Variants in NLRC5 observed in about 807,000 individuals in gnomAD.
NLRC5 encodes the protein protein NLRC5.
In NLRC5, 114 loss-of-function variants were observed where a neutral mutation model predicts 206.9. The observed-to-expected ratio is 0.55, with a 90% CI of 0.47 to 0.64. The LOEUF is 0.64. Ranked by LOEUF, NLRC5 falls within the 30% of genes least tolerant of loss-of-function variation. NLRC5 has a pLI of 0.00. For synonymous variants in NLRC5, 952 were observed against 962.8 expected (o/e 0.99, Z 0.21); for missense variants, 2,008 against 2,305.5 (o/e 0.87, Z 2.64).
intron 17 of NLRC5, 132 bp downstream of exon 17, chr16:57,040,850 C>G: frequency 1.2e-6 from 1 of 839,476 alleles, no homozygotes; most frequent in Non-Finnish European, 1.9e-6. Context: ...GTCCAGGGGT[C>G]ATGGCCTGGC....
chr16:57,036,113 C>G lies in NLRC5; in HGVS notation c.2641C>G (p.Gln881Glu). Residue 881 changes from glutamine (Q) to glutamate (E), a missense_variant, in exon 14 of 49, where the codon CAG (glutamine) becomes GAG (glutamate). By Grantham distance (29) the Gln-to-Glu change is conservative (BLOSUM62 2). Coordinates refer to ENST00000688547, the MANE Select transcript of NLRC5 (RefSeq NM_001384950.1). ...HLEEVDLSGNQLEDEGCRLMA... is the reference protein window; with the variant it reads ...HLEEVDLSGNELEDEGCRLMA... Reference sequence around the variant, plus strand: ...CCCCCGTCTCAGCCTCTCAGGGAACCAGCTGGAAGATGAAGGCTGTCGGCT... The same window carrying G: ...CCCCCGTCTCAGCCTCTCAGGGAACGAGCTGGAAGATGAAGGCTGTCGGCT... The G allele has an allele frequency of 6.2e-7, 1 of 1,613,722 alleles. No homozygotes were observed. The highest frequency in any genetic ancestry group is 8.5e-7 in the Non-Finnish European group (1 of 1,180,010).
chr16:57,033,568 C>G, intron 11 of NLRC5, 36 bp from the exon 12 acceptor site: 1 of 1,611,370 alleles, frequency 6.2e-7, no homozygotes, highest in Non-Finnish European at 8.5e-7. Flanking sequence ...CCCTAGATGC[C>G]TGAGCCCAGG....
intron 34 of NLRC5, 52 bp downstream of exon 34, chr16:57,066,666 G>T (rs1446071527): frequency 6.0e-6 from 9 of 1,498,830 alleles, no homozygotes; most frequent in Non-Finnish European, 1.9e-6. Context: ...TGGGGAGGGG[G>T]CAGGGCTGCT....
chr16:57,046,018 G>C (rs1259631423), intron 21 of NLRC5, among the ~76,000 whole-genome samples: 3 of 152,234 alleles, frequency 2.0e-5, no homozygotes, highest in Non-Finnish European at 4.4e-5. Flanking sequence ...CAGTGGCAGC[G>C]GACAGGGTGG....
intron 1 of NLRC5, among the ~76,000 whole-genome samples, chr16:57,007,382 T>G (rs759881577): frequency 6.6e-6 from 1 of 152,216 alleles, no homozygotes; most frequent in Non-Finnish European, 1.5e-5. Flanking sequence ...TCTAATGTAT[T>G]ATATTTATTC....
chr16:57,036,056 G>C, intron 13 of NLRC5, 44 bp from the exon 14 acceptor site: 1 of 1,552,930 alleles, frequency 6.4e-7, no homozygotes, highest in Non-Finnish European at 8.9e-7. Flanking sequence ...GATTGAGGGA[G>C]GACTCCAGCC....
At chr16:56,989,988 A>AT (rs2056610969) in intron 1 of NLRC5, among the ~76,000 whole-genome samples, 1 of 152,234 alleles carries the variant, frequency 6.6e-6, no homozygotes, top group African/African-American at 2.4e-5. Context: ...CTTTTCATTG[A>AT]TTTTAAAACA....
In NLRC5 at chr16:57,033,688, T is replaced by G. The variant is rs750844370; in HGVS notation, c.2543+19T>G. ...CGCTCAGGTACCTTGGAGGGATCTA[T>G]TGCCTTAGGAGAGGGATATGATATG... is the stretch of plus-strand genomic sequence containing the variant. On this transcript the variant is annotated intron_variant, in intron 12 of 48. Transcript: ENST00000688547. The G allele has an allele frequency of 6.2e-7, 1 of 1,610,246 alleles. No homozygotes were observed. Among genetic ancestry groups the G allele is most frequent in the Non-Finnish European group, 8.5e-7 (1 of 1,176,700 alleles).
Position 57,034,163 on chromosome 16 carries a change from C to G in NLRC5, c.2544-5C>G, listed in dbSNP as rs1344322689. On this transcript the variant is annotated splice_polypyrimidine_tract_variant and splice_region_variant and intron_variant, in intron 12 of 48. Coordinates refer to ENST00000688547, the MANE Select transcript of NLRC5 (RefSeq NM_001384950.1). ...GAGCCCTTCTGTCCCCCACTCCTAC[C>G]CAAGGCTGCAGAAGTGTCAGCTCCA... 6.2e-7 allele frequency: 1 copy of G among 1,613,606 alleles called. No individual in the cohort carries two copies. Among genetic ancestry groups the G allele is most frequent in the Admixed American group, 1.7e-5 (1 of 59,990 alleles).
chr16:57,079,588 C>G lies in NLRC5; in HGVS notation c.5280C>G (p.Leu1760=), dbSNP rs139986975. ...TTGACAACCAGACTGCCAAGCTCCT[C>G]ACCTCCAGCTTCACGAGCTGCCCTG... ...CKIDNQTAKL[L]TSSFTSCPAL... Residue 1760 remains leucine, a synonymous_variant, in exon 46 of 49, where the codon CTC becomes CTG. Coordinates refer to ENST00000688547, the MANE Select transcript of NLRC5 (RefSeq NM_001384950.1). 676 of 1,614,102 alleles carry G rather than the reference C, an allele frequency of 4.2e-4. No individual in the cohort carries two copies. The highest frequency in any genetic ancestry group is 5.2e-4 in the Non-Finnish European group (618 of 1,179,982).
intron 38 of NLRC5, among the ~76,000 whole-genome samples, chr16:57,072,004 A>G (rs2067857011): frequency 6.6e-6 from 1 of 152,118 alleles, no homozygotes; most frequent in Non-Finnish European, 1.5e-5. Context: ...CAGTGCCAGC[A>G]AGAACCTTGG....
intron 1 of NLRC5, among the ~76,000 whole-genome samples, chr16:56,995,082 G>A (rs548575079): frequency 1.3e-4 from 20 of 152,296 alleles, no homozygotes; most frequent in Admixed American, 1.3e-3. Context: ...GCTGAGGCAG[G>A]AGAATCGCTT....
At chr16:56,997,825 C>A (rs1287193192) in intron 1 of NLRC5, among the ~76,000 whole-genome samples, 1 of 152,192 alleles carries the variant, frequency 6.6e-6, no homozygotes, top group Non-Finnish European at 1.5e-5. Flanking sequence ...AAGCGATCCT[C>A]CTGCTTCAGC....
intron 20 of NLRC5, among the ~76,000 whole-genome samples, chr16:57,044,390 T>C (rs2063680112): frequency 6.6e-6 from 1 of 151,746 alleles, no homozygotes; most frequent in African/African-American, 2.4e-5. Context: ...TGGGAGCTGA[T>C]GAGAATATAA....
At chr16:57,010,764 C>T (rs529773241) in intron 1 of NLRC5, among the ~76,000 whole-genome samples, 30 of 152,154 alleles carry the variant, frequency 2.0e-4, no homozygotes, top group African/African-American at 4.8e-4. Context: ...TTTTATTTCA[C>T]GTCATTTAGG....
At chr16:57,013,458 G>T (rs2059709852) in intron 1 of NLRC5, 2 of 687,612 alleles carry the variant, frequency 2.9e-6, no homozygotes, top group African/African-American at 1.8e-5. Flanking sequence ...GGAAATAAAA[G>T]CTGTCCAGAG....
intron 41 of NLRC5, 109 bp from the exon 42 acceptor site, chr16:57,077,610 G>A (rs920224370): frequency 8.8e-7 from 1 of 1,132,934 alleles, no homozygotes; most frequent in Non-Finnish European, 1.3e-6. Context: ...GTGGTGTCGG[G>A]GGGTTGTCTC....
At chr16:57,017,629 A>G (rs1256174628) in intron 2 of NLRC5, among the ~76,000 whole-genome samples, 1 of 152,222 alleles carries the variant, frequency 6.6e-6, no homozygotes, top group Non-Finnish European at 1.5e-5. Context: ...TCAGGCTAAC[A>G]GGGTAGCCAT....
At chr16:57,021,101 A>T (rs2060621188) in intron 3 of NLRC5, 94 bp downstream of exon 3, 7 of 1,127,298 alleles carry the variant, frequency 6.2e-6, no homozygotes, top group Non-Finnish European at 9.0e-6. Flanking sequence ...AGTCAGAGAG[A>T]GGGTGTAGCC....
Sources: gnomAD v4.1 joint callset for allele counts (sites outside exome capture counted in the v4.1 genomes callset) on GRCh38, gnomAD v4.1.1 for gene constraint, MANE v1.5 for transcripts, NCBI Gene and HGNC (gene_info 2026-07-23, HGNC 2026-07-21) for gene names.